The following TNXB variants were observed in gnomAD, a reference collection of about 807,000 sequenced individuals.
The protein encoded by TNXB is tenascin-X.
Under a neutral mutation model 340.5 loss-of-function variants are expected in TNXB, and 183 were observed. The ratio of observed to expected loss-of-function variants is 0.54; its 90% confidence interval spans 0.48 to 0.61. TNXB has a LOEUF of 0.61. TNXB is among the 20% of genes least tolerant of loss of function. The probability of loss-of-function intolerance (pLI) is 0.00; values close to 1 mark genes in which losing one functional copy is unlikely to be tolerated. For missense variants in TNXB, 4,613 were observed against 5,446.4 expected (o/e 0.85, Z 4.82); for synonymous variants, 2,121 against 2,314.5 (o/e 0.92, Z 2.40).
chr6:32,097,560 G>A lies in TNXB; in HGVS notation c.404-111C>T, dbSNP rs1387647959. The A allele has an allele frequency of 3.0e-6, 4 of 1,331,508 alleles. No homozygotes were observed. The highest frequency in any genetic ancestry group is 2.4e-5 in the East Asian group (1 of 41,784). 82.5% of individuals were successfully genotyped at this position (1,331,508 alleles called of 1,614,324 possible). A position where few individuals can be genotyped will look rare whatever the true frequency, so the allele number is the denominator to read the frequency against. ...AGCCAGGCTAGCCTCATCTCATAAG[G>A]CCATGTCTGCTCCCAGTTGCTAGTA... On this transcript the variant is annotated intron_variant, in intron 2 of 43. Coordinates refer to ENST00000644971, the MANE Select transcript of TNXB (RefSeq NM_001365276.2). The surrounding 1 kb of genome is among the most constrained non-coding windows in gnomAD (Gnocchi z 5.9).
chr6:32,070,221 G>A lies in TNXB; in HGVS notation c.5184C>T (p.Val1728=), dbSNP rs745661921. The A allele has an allele frequency of 1.9e-6, 3 of 1,611,416 alleles. No individual in the cohort carries two copies. The highest frequency in any genetic ancestry group is 2.5e-6 in the Non-Finnish European group (3 of 1,179,044). Residue 1728 remains valine, a synonymous_variant, in exon 14 of 44, where the codon GTC becomes GTT. Transcript: ENST00000644971. The surrounding 1 kb of genome is among the most constrained non-coding windows in gnomAD (Gnocchi z 6.0). ...ACTTGCGGCCGGCATCCAGAGGGGT[G>A]ACAGTGACAGAGCGCTCATGGCCCT... ...PVEGHERSVT[V]TPLDAGRKYR...
rs17421624 is a variant in TNXB at position 32,098,400 on chromosome 6, T to C, written c.-8-194A>G. Reference sequence around the variant, plus strand: ...AAGTCTGTTCTCTACCTCTCTGATATCATTTATTTACCCTGCTCCTCACCC... The same window carrying C: ...AAGTCTGTTCTCTACCTCTCTGATACCATTTATTTACCCTGCTCCTCACCC... On this transcript the variant is annotated intron_variant, in intron 1 of 43. Coordinates refer to ENST00000644971, the MANE Select transcript of TNXB (RefSeq NM_001365276.2). Among the ~76,000 whole-genome samples, 37,874 of 152,108 alleles carry C rather than the reference T, an allele frequency of 0.25. 6,055 individuals carry two copies. Among genetic ancestry groups the C allele is most frequent in the Admixed American group, 0.37 (5,620 of 15,280 alleles).
At position 32,068,873 on chromosome 6, in the gene TNXB, C is replaced by A; in HGVS notation, c.5851G>T (p.Gly1951Cys). 6.2e-7 allele frequency: 1 copy of A among 1,612,566 alleles called. No homozygotes were observed. Among genetic ancestry groups the A allele is most frequent in the Non-Finnish European group, 8.5e-7 (1 of 1,179,600 alleles). ...SDHRYLVTLYGFSDGKHVGPV... is the reference protein window; with the variant it reads ...SDHRYLVTLYCFSDGKHVGPV... ...CCTACATGCTTCCCATCACTGAAAC[C>A]ATACAGGGTCACCAGGTATCTGTGG... is the stretch of plus-strand genomic sequence containing the variant. Residue 1951 changes from glycine to cysteine, a missense_variant, in exon 16 of 44, where the codon GGT (glycine) becomes TGT (cysteine). By Grantham distance (159) the Gly-to-Cys change is radical. Coordinates refer to ENST00000644971, the MANE Select transcript of TNXB (RefSeq NM_001365276.2). The surrounding 1 kb of genome is among the most constrained non-coding windows in gnomAD (Gnocchi z 5.3).
Position 32,095,133 on chromosome 6 carries a change from T to C in TNXB, c.2301A>G (p.Thr767=). The C allele has an allele frequency of 6.5e-7, 1 of 1,549,824 alleles. No homozygotes were observed. The highest frequency in any genetic ancestry group is 8.7e-7 in the Non-Finnish European group (1 of 1,146,306). Residue 767 remains threonine (T), a synonymous_variant, in exon 4 of 44, where the codon ACA becomes ACG. Coordinates refer to ENST00000644971, the MANE Select transcript of TNXB (RefSeq NM_001365276.2). ...CGGGGCCAGGAGCCGGGGTCCACTC[T>C]GTCCGAACTGTTGTCTCCTCCAAGA... ...MHLLEETTVR[T]EWTPAPGPVD...
rs779267205 is a variant in TNXB at position 32,068,087 on chromosome 6, G to A, written c.6221-103C>T. On this transcript the variant is annotated intron_variant, in intron 17 of 43. Transcript: ENST00000644971. This position sits in a 1 kb window ranked among gnomAD's most constrained non-coding sequence, Gnocchi z 5.3. Reference sequence around the variant, plus strand: ...GGGGGACCCGAGGTCAGTTCAGAGAGGCCTACTCTTGGGGCTGGGTGGTCC... The same window carrying A: ...GGGGGACCCGAGGTCAGTTCAGAGAAGCCTACTCTTGGGGCTGGGTGGTCC... 7.5e-6 allele frequency: 11 copies of A among 1,459,520 alleles called. No individual in the cohort carries two copies. The highest frequency in any genetic ancestry group is 1.0e-5 in the Non-Finnish European group (11 of 1,092,268). 90.4% of individuals were successfully genotyped at this position (1,459,520 alleles called of 1,614,324 possible). A position where few individuals can be genotyped will look rare whatever the true frequency, so the allele number is the denominator to read the frequency against.
At chr6:32,106,761 T>C (rs1286062384) in intron 1 of TNXB, among the ~76,000 whole-genome samples, 1 of 152,178 alleles carries the variant, frequency 6.6e-6, no homozygotes, top group Non-Finnish European at 1.5e-5. Flanking sequence ...AGTGTAGCCT[T>C]GGGTAAGAGA....
At position 32,042,180 on chromosome 6, in the gene TNXB, G is replaced by T; in HGVS notation, c.12308-7C>A. 2 of 709,642 alleles carry T rather than the reference G, an allele frequency of 2.8e-6. No homozygotes were observed. Among genetic ancestry groups the T allele is most frequent in the Non-Finnish European group, 2.4e-6 (1 of 419,322 alleles). The allele number at this position is 709,642 out of a possible 1,614,324, so 44.0% of individuals were successfully genotyped here. ...CTGTGCAGGGCCTCATTGCCTGGGG[G>T]TGGGATACGTGCCCTCATCAGGGTC... On this transcript the variant is annotated splice_polypyrimidine_tract_variant and splice_region_variant and intron_variant, in intron 41 of 43. Transcript: ENST00000644971.
At chr6:32,098,345 G>GTGGGTACTCACATA (rs1780533461) in intron 1 of TNXB, 139 bp from the exon 2 acceptor site, 1 of 671,166 alleles carries the variant, frequency 1.5e-6, no homozygotes, top group African/African-American at 1.8e-5. Flanking sequence ...TTCACATTCC[G>GTGGGTACTCACATA]CCCAACCCTA....
In TNXB at chr6:32,082,657, A is replaced by G. The variant is rs1303347225; in HGVS notation, c.3446-331T>C. ...GGGGAGCCCAGCCAGGCCCTTTCAC[A>G]TCTCCATAGCCAGGGAAATCTTCCC... is the stretch of plus-strand genomic sequence containing the variant. On this transcript the variant is annotated intron_variant, in intron 8 of 43. Coordinates refer to ENST00000644971, the MANE Select transcript of TNXB (RefSeq NM_001365276.2). The surrounding 1 kb of genome is among the most constrained non-coding windows in gnomAD (Gnocchi z 5.0). Among the ~76,000 whole-genome samples, 2 of 152,138 alleles carry G rather than the reference A, an allele frequency of 1.3e-5. No homozygotes were observed. Among genetic ancestry groups the G allele is most frequent in the Non-Finnish European group, 2.9e-5 (2 of 68,012 alleles).
intron 4 of TNXB, among the ~76,000 whole-genome samples, chr6:32,093,018 G>A (rs1056456896): frequency 2.0e-5 from 3 of 152,246 alleles, no homozygotes; most frequent in African/African-American, 7.2e-5. Flanking sequence ...GGAAAGCGGC[G>A]CCCTTGACAA....
In TNXB at chr6:32,095,979, C is replaced by T; in HGVS notation, c.1874G>A (p.Cys625Tyr). The change falls in exon 3 of 44, where the codon TGC (cysteine) becomes TAC (tyrosine). Residue 625 changes from cysteine (C) to tyrosine (Y), a missense_variant. Physicochemically the swap from Cys to Tyr is radical, Grantham distance 194. Transcript: ENST00000644971. ...DCSIRTCPSN[C>Y]HGRGRCEEGR... is the part of the protein sequence containing the mutation. ...TTCCTCACAGCGGCCCCTCCCGTGG[C>T]AGTTGGAGGGGCAGGTGCGGATGCT... 6.2e-7 allele frequency: 1 copy of T among 1,613,200 alleles called. No homozygotes were observed. Among genetic ancestry groups the T allele is most frequent in the Non-Finnish European group, 8.5e-7 (1 of 1,179,784 alleles).
chr6:32,105,148 C>T (rs1180888500), intron 1 of TNXB, among the ~76,000 whole-genome samples: 1 of 152,176 alleles, frequency 6.6e-6, no homozygotes, highest in Non-Finnish European at 1.5e-5. Context: ...CTTCAAGTCC[C>T]TCATACTCTC....
chr6:32,061,774 G>A lies in TNXB; in HGVS notation c.7169-54C>T, dbSNP rs1183935312. ...CAGGGTCCCTGGGGGATGTGCTTACGTCGTGGGGAAAAGGAGGGAGAAGGC... is the reference window on the plus strand; with the variant it reads ...CAGGGTCCCTGGGGGATGTGCTTACATCGTGGGGAAAAGGAGGGAGAAGGC... On this transcript the variant is annotated intron_variant, in intron 20 of 43. Transcript: ENST00000644971. The surrounding 1 kb of genome is among the most constrained non-coding windows in gnomAD (Gnocchi z 4.4). 30 of 1,582,136 alleles carry A rather than the reference G, an allele frequency of 1.9e-5. No homozygotes were observed. Among genetic ancestry groups the A allele is most frequent in the East Asian group, 2.2e-5 (1 of 44,506 alleles).
rs778439193 is a variant in TNXB at position 32,058,130 on chromosome 6, T to G, written c.7753A>C (p.Lys2585Gln). 2.5e-6 allele frequency: 4 copies of G among 1,612,582 alleles called. No homozygotes were observed. Reference protein sequence around the residue: ...VTVRGLEPGRKYKMHLYGLHE... With the variant: ...VTVRGLEPGRQYKMHLYGLHE... ...AGGCCGTACAGGTGCATCTTGTACT[T>G]GCGCCCAGGCTCCAGGCCCCTCACA... is the stretch of plus-strand genomic sequence containing the variant. Residue 2585 changes from lysine (K) to glutamine (Q), a missense_variant, in exon 22 of 44, where the codon AAG becomes CAG. Lys to Gln is a moderately conservative substitution (Grantham distance 53). Around this residue, in one of 7 missense-constraint regions of TNXB, gnomAD observed 4,327 missense variants for 4,859.4 expected, o/e 0.89. Coordinates refer to ENST00000644971, the MANE Select transcript of TNXB (RefSeq NM_001365276.2). This position sits in a 1 kb window ranked among gnomAD's most constrained non-coding sequence, Gnocchi z 5.1.
At position 32,095,892 on chromosome 6, in the gene TNXB, G is replaced by T; in HGVS notation, c.1961C>A (p.Ala654Asp). ...ACACCGCCCACGTCCCCGGCAGTCA[G>T]CCGGGCACATGCGGGTGGCACAGGT... ...GPTCATRMCP[A>D]DCRGRGRCVQ... Residue 654 changes from alanine (A) to aspartate (D), a missense_variant, in exon 3 of 44, where the codon GCT (alanine) becomes GAT (aspartate). Physicochemically the swap from Ala to Asp is moderately radical, Grantham distance 126 (BLOSUM62 -2). Coordinates refer to ENST00000644971, the MANE Select transcript of TNXB (RefSeq NM_001365276.2). The T allele has an allele frequency of 6.2e-7, 1 of 1,612,682 alleles. No homozygotes were observed. The highest frequency in any genetic ancestry group is 8.5e-7 in the Non-Finnish European group (1 of 1,179,486).
chr6:32,068,258 G>T lies in TNXB; in HGVS notation c.6220+132C>A. The T allele has an allele frequency of 7.4e-7, 1 of 1,350,444 alleles. No individual in the cohort carries two copies. The highest frequency in any genetic ancestry group is 1.0e-6 in the Non-Finnish European group (1 of 996,182). The allele number at this position is 1,350,444 out of a possible 1,614,324, so 83.7% of individuals were successfully genotyped here. A position where few individuals can be genotyped will look rare whatever the true frequency, so the allele number is the denominator to read the frequency against. On this transcript the variant is annotated intron_variant, in intron 17 of 43. Transcript: ENST00000644971. This position sits in a 1 kb window ranked among gnomAD's most constrained non-coding sequence, Gnocchi z 5.3. ...AACCTCACAGGAAGGCCCAAGGGGA[G>T]CCCCAGCCCCAGCCACAAGCAGGTC...
Position 32,056,570 on chromosome 6 carries a change from G to A in TNXB, c.8143+16C>T. 1 of 1,611,786 alleles carries A rather than the reference G, an allele frequency of 6.2e-7. No homozygotes were observed. Among genetic ancestry groups the A allele is most frequent in the Non-Finnish European group, 8.5e-7 (1 of 1,179,090 alleles). On this transcript the variant is annotated intron_variant, in intron 23 of 43. Coordinates refer to ENST00000644971, the MANE Select transcript of TNXB (RefSeq NM_001365276.2). ...CTCCCACGGCTCCCACCCTGGGGCT[G>A]CCATCATCCACTCACCCGTCACCCC...
rs763558565 is a variant in TNXB at position 32,058,275 on chromosome 6, G to T, written c.7608C>A (p.Asp2536Glu). Residue 2536 changes from aspartate (D) to glutamate (E), a missense_variant, in exon 22 of 44, where the codon GAC becomes GAA. By Grantham distance (45) the Asp-to-Glu change is conservative. Coordinates refer to ENST00000644971, the MANE Select transcript of TNXB (RefSeq NM_001365276.2). This position sits in a 1 kb window ranked among gnomAD's most constrained non-coding sequence, Gnocchi z 5.1. ...GGACGGTCCAGGAAAGGCTCAGCGA[G>T]TCAGGGGAGGATCCTGTCACTGTCA... The part of the protein sequence containing the change: ...GELTVTGSSP[D>E]SLSLSWTVPQ... 2 of 1,612,456 alleles carry T rather than the reference G, an allele frequency of 1.2e-6. No homozygotes were observed. Among genetic ancestry groups the T allele is most frequent in the East Asian group, 4.5e-5 (2 of 44,876 alleles).
Position 32,087,983 on chromosome 6 carries a change from G to A in TNXB, c.2779+802C>T. ...GGGCGCACCTCCGGGTAACTGTAGTGGCCTGGTGCTGCCAGGGGCAAAAAA... is the reference window on the plus strand; with the variant it reads ...GGGCGCACCTCCGGGTAACTGTAGTAGCCTGGTGCTGCCAGGGGCAAAAAA... On this transcript the variant is annotated intron_variant, in intron 6 of 43. Transcript: ENST00000644971. The surrounding 1 kb of genome is among the most constrained non-coding windows in gnomAD (Gnocchi z 9.0). 1 of 300,564 alleles carries A rather than the reference G, an allele frequency of 3.3e-6. No individual in the cohort carries two copies. Among genetic ancestry groups the A allele is most frequent in the South Asian group, 2.5e-5 (1 of 40,522 alleles). The allele number at this position is 300,564 out of a possible 1,614,324, so 18.6% of individuals were successfully genotyped here.
Sources: gnomAD v4.1 joint callset for allele counts (sites outside exome capture counted in the v4.1 genomes callset) on GRCh38, gnomAD v4.1.1 for gene constraint, gnomAD v4.1.1 regional missense constraint, Gnocchi (gnomAD v3.1) non-coding constraint, MANE v1.5 for transcripts, NCBI Gene and HGNC (gene_info 2026-07-23, HGNC 2026-07-21) for gene names.